Variants in SAMD4A observed in about 807,000 individuals in gnomAD.
SAMD4A encodes the protein protein Smaug homolog 1.
Under a neutral mutation model 81.3 loss-of-function variants are expected in SAMD4A, and 33 were observed. The ratio of observed to expected loss-of-function variants is 0.41; its 90% CI spans 0.31 to 0.54. The LOEUF (loss-of-function observed/expected upper bound fraction) is 0.54, where lower values mean the gene tolerates loss of function less well. Among genes scored for constraint, SAMD4A ranks in the 20% least tolerant of loss-of-function variants. The probability of loss-of-function intolerance (pLI) is 0.37; values close to 1 mark genes in which losing one functional copy is unlikely to be tolerated. For synonymous variants in SAMD4A, 389 were observed against 382.1 expected (o/e 1.02, Z -0.21); for missense variants, 854 against 951.1 (o/e 0.90, Z 1.34).
intron 2 of SAMD4A, among the ~76,000 whole-genome samples, chr14:54,654,619 GAACAGGC>G (rs1282121270): frequency 6.6e-6 from 1 of 152,312 alleles, no homozygotes; most frequent in Non-Finnish European, 1.5e-5. Context: ...TTTCATGAAA[GAACAGGC>G]ACTTCAGAAT....
At chr14:54,682,453 C>T (rs141476819) in intron 2 of SAMD4A, among the ~76,000 whole-genome samples, 65 of 152,344 alleles carry the variant, frequency 4.3e-4, no homozygotes, top group African/African-American at 1.4e-3. Flanking sequence ...GGGTCCCAAA[C>T]TCTCAACCAG....
chr14:54,724,526 T>C (rs774327819), intron 3 of SAMD4A, among the ~76,000 whole-genome samples: 8 of 152,180 alleles, frequency 5.3e-5, no homozygotes, highest in Non-Finnish European at 1.2e-4. Context: ...CTGATGATAT[T>C]GTGTGCACTC....
intron 2 of SAMD4A, among the ~76,000 whole-genome samples, chr14:54,639,801 AACAC>A (rs10677522): frequency 2.3e-4 from 34 of 148,836 alleles, no homozygotes; most frequent in East Asian, 3.9e-4. Flanking sequence ...CATTGCTTGA[AACAC>A]ACACACACAC....
intron 7 of SAMD4A, among the ~76,000 whole-genome samples, chr14:54,763,755 C>T (rs750766798): frequency 3.9e-5 from 6 of 152,164 alleles, no homozygotes; most frequent in Non-Finnish European, 8.8e-5. Context: ...GGAATCGTCA[C>T]CTCTACAATG....
chr14:54,781,300 G>A (rs2038993586), intron 11 of SAMD4A, among the ~76,000 whole-genome samples: 1 of 152,204 alleles, frequency 6.6e-6, no homozygotes, highest in South Asian at 2.1e-4. Flanking sequence ...GACCCAGCAG[G>A]GATGGACGGT....
At chr14:54,568,186 G>A in intron 2 of SAMD4A, 74 bp downstream of exon 2, 1 of 1,327,504 alleles carries the variant, frequency 7.5e-7, no homozygotes, top group South Asian at 1.6e-5. Flanking sequence ...TCTGCCTCGG[G>A]CCAGGCCGAG....
chr14:54,642,552 G>T (rs2035197921), intron 2 of SAMD4A, among the ~76,000 whole-genome samples: 1 of 152,168 alleles, frequency 6.6e-6, no homozygotes, highest in Non-Finnish European at 1.5e-5. Context: ...TTTCAATGTG[G>T]TTTGGATAGC....
rs201216954 is a variant in SAMD4A at position 54,744,890 on chromosome 14, G to T, written c.980-3925G>T. On this transcript the variant is annotated intron_variant, in intron 4 of 12. Transcript: ENST00000554335. ...CTTGTATGACCCAAAGGCATTGACA[G>T]CCAGCTGATCTCAAATGGAGTTTAC... Among the ~76,000 whole-genome samples the T allele has an allele frequency of 2.0e-5, 3 of 152,270 alleles. No homozygotes were observed. The East Asian group carries it at 5.8e-4, about 29-fold the overall frequency.
chr14:54,752,676 A>G (rs1444898876), intron 6 of SAMD4A, among the ~76,000 whole-genome samples: 1 of 152,246 alleles, frequency 6.6e-6, no homozygotes. Context: ...GAGAAAAGAA[A>G]TAAGACACAG....
chr14:54,702,126 G>T lies in SAMD4A; in HGVS notation c.261G>T (p.Leu87=). 1 of 1,614,174 alleles carries T rather than the reference G, an allele frequency of 6.2e-7. No homozygotes were observed. The highest frequency in any genetic ancestry group is 8.5e-7 in the Non-Finnish European group (1 of 1,180,024). Residue 87 remains leucine (L), a synonymous_variant, in exon 3 of 13, where the codon CTG becomes CTT. Coordinates refer to ENST00000554335, the MANE Select transcript of SAMD4A (RefSeq NM_015589.6). The part of the protein sequence containing the change: ...DKVISLLLTH[L]PLLKPGNLDA... ...TGATTTCCCTCCTGTTAACTCATCT[G>T]CCTTTGCTGAAGCCAGGAAACCTCG...
chr14:54,614,694 T>A (rs2034449304), intron 2 of SAMD4A, among the ~76,000 whole-genome samples: 1 of 152,132 alleles, frequency 6.6e-6, no homozygotes, highest in African/African-American at 2.4e-5. Context: ...GGTTTTGCCC[T>A]TTTTTGCCTC....
At chr14:54,574,093 T>C (rs1052996891) in intron 2 of SAMD4A, among the ~76,000 whole-genome samples, 7 of 152,184 alleles carry the variant, frequency 4.6e-5, no homozygotes, top group Non-Finnish European at 7.3e-5. Context: ...TGGGACTGAG[T>C]TCCTTGGCAC....
rs1410422454 is a variant in SAMD4A at position 54,665,609 on chromosome 14, C to T, written c.197-36453C>T. Among the ~76,000 whole-genome samples, 3 of 152,196 alleles carry T rather than the reference C, an allele frequency of 2.0e-5. No homozygotes were observed. In the East Asian group the frequency reaches 5.8e-4, roughly 29 times the overall value. The stretch of plus-strand genomic sequence containing the variant: ...TAGATTTGTCTTTTGCCTGTCAGGG[C>T]ATAGATCCAAATTCAGAGCAGATGG... On this transcript the variant is annotated intron_variant, in intron 2 of 12. Transcript: ENST00000554335.
intron 2 of SAMD4A, among the ~76,000 whole-genome samples, chr14:54,664,415 A>C (rs113950660): frequency 2.9e-3 from 445 of 152,304 alleles, no homozygotes; most frequent in African/African-American, 0.01. Flanking sequence ...TGAGCATATA[A>C]AGATGCTGTC....
At chr14:54,677,874 C>G (rs2036025898) in intron 2 of SAMD4A, among the ~76,000 whole-genome samples, 1 of 152,176 alleles carries the variant, frequency 6.6e-6, no homozygotes, top group Non-Finnish European at 1.5e-5. Context: ...GGGGTTTACA[C>G]TAGTATCTGA....
chr14:54,748,661 A>G (rs556236594), intron 4 of SAMD4A, among the ~76,000 whole-genome samples, 154 bp from the exon 5 acceptor site: 16 of 152,200 alleles, frequency 1.1e-4, no homozygotes, highest in African/African-American at 1.7e-4. Flanking sequence ...CATCTCAGCT[A>G]AAATTAAATA....
intron 11 of SAMD4A, among the ~76,000 whole-genome samples, chr14:54,782,363 A>G (rs2039019169): frequency 6.6e-6 from 1 of 151,942 alleles, no homozygotes; most frequent in South Asian, 2.1e-4. Flanking sequence ...CTAACTCGCT[A>G]TATATAAAAT....
At chr14:54,697,811 T>A (rs1323102424) in intron 2 of SAMD4A, among the ~76,000 whole-genome samples, 1 of 152,196 alleles carries the variant, frequency 6.6e-6, no homozygotes, top group Non-Finnish European at 1.5e-5. Context: ...TCCAAAGGCT[T>A]ATCTGGGCTA....
At position 54,770,163 on chromosome 14, in the gene SAMD4A, C is replaced by T. The variant is rs143395436; in HGVS notation, c.1656C>T (p.Leu552=). 10 of 1,613,960 alleles carry T rather than the reference C, an allele frequency of 6.2e-6. No homozygotes were observed. Among genetic ancestry groups the T allele is most frequent in the African/African-American group, 2.7e-5 (2 of 74,940 alleles). ...LLSWKQQVQK[L]FRSFPRKTLL... ...CATGGAAACAGCAGGTGCAGAAGCT[C>T]TTTCGGTCTTTCCCTCGGAAAACCC... Residue 552 remains leucine (L), a synonymous_variant, in exon 9 of 13, where the codon CTC becomes CTT. Coordinates refer to ENST00000554335, the MANE Select transcript of SAMD4A (RefSeq NM_015589.6).
Sources: gnomAD v4.1 joint callset for allele counts (sites outside exome capture counted in the v4.1 genomes callset) on GRCh38, gnomAD v4.1.1 for gene constraint, MANE v1.5 for transcripts, NCBI Gene and HGNC (gene_info 2026-07-23, HGNC 2026-07-21) for gene names.